The following RGS6 variants were observed in gnomAD, a reference collection of about 807,000 sequenced individuals.
The protein encoded by RGS6 is regulator of G-protein signaling 6.
In RGS6, 30 loss-of-function variants were observed where a neutral mutation model predicts 78.5. The ratio of observed to expected loss-of-function variants is 0.38; its 90% CI spans 0.29 to 0.52. RGS6 has a LOEUF of 0.52. Ranked by LOEUF, RGS6 falls within the 20% of genes least tolerant of loss-of-function variation. The pLI, the probability that RGS6 is intolerant of heterozygous loss-of-function variation, is 0.85. For synonymous variants in RGS6, 206 were observed against 206.0 expected (o/e 1.00, Z 0.00); for missense variants, 495 against 609.7 (o/e 0.81, Z 1.98).
intron 3 of RGS6, among the ~76,000 whole-genome samples, chr14:72,403,082 T>C (rs147251560): frequency 9.2e-5 from 14 of 152,240 alleles, no homozygotes; most frequent in African/African-American, 3.4e-4. Flanking sequence ...AGAGCTACCA[T>C]GCCCAGCCCC....
At chr14:72,361,129 C>G (rs1203766483) in intron 3 of RGS6, among the ~76,000 whole-genome samples, 4 of 142,236 alleles carry the variant, frequency 2.8e-5, no homozygotes, top group Non-Finnish European at 6.0e-5. Context: ...TTGGGTATAT[C>G]CTTATAGCAG....
At chr14:72,116,959 A>G in intron 2 of RGS6, among the ~76,000 whole-genome samples, 1 of 93,586 alleles carries the variant, frequency 1.1e-5, no homozygotes, top group African/African-American at 4.6e-5. Context: ...GCGAGACTCC[A>G]TCTCAAAAAA....
intron 2 of RGS6, among the ~76,000 whole-genome samples, chr14:72,079,232 T>A (rs1364239878): frequency 1.3e-5 from 2 of 152,084 alleles, no homozygotes; most frequent in African/African-American, 4.8e-5. Flanking sequence ...AATTTAGAAT[T>A]TTACTTTTAA....
intron 2 of RGS6, among the ~76,000 whole-genome samples, chr14:72,147,430 A>G (rs147822710): frequency 1.7e-3 from 261 of 152,350 alleles, no homozygotes; most frequent in African/African-American, 6.0e-3. Flanking sequence ...GGCAGAAGGC[A>G]GAAGGGCAAG....
rs200956325 is a variant in RGS6 at position 72,459,652 on chromosome 14, G to T, written c.363G>T (p.Ser121=). Residue 121 remains serine, a synonymous_variant, in exon 6 of 18, where the codon TCG becomes TCT. Coordinates refer to ENST00000553525, the MANE Select transcript of RGS6 (RefSeq NM_001204424.2). ...YRFQAPYFWP[S]NCWEPENTDY... Reference sequence around the variant, plus strand: ...TGCAGGCTCCGTACTTCTGGCCTTCGAACTGCTGGGAACCTGAAAACACTG... The same window carrying T: ...TGCAGGCTCCGTACTTCTGGCCTTCTAACTGCTGGGAACCTGAAAACACTG... 6.2e-7 allele frequency: 1 copy of T among 1,613,986 alleles called. No homozygotes were observed. The highest frequency in any genetic ancestry group is 1.3e-5 in the African/African-American group (1 of 74,906).
At chr14:72,333,073 A>G (rs559562321) in intron 2 of RGS6, among the ~76,000 whole-genome samples, 2 of 152,302 alleles carry the variant, frequency 1.3e-5, no homozygotes, top group East Asian at 3.9e-4. Flanking sequence ...TAATCTCACC[A>G]CAGGGGGCCA....
the RGS6 span, among the ~76,000 whole-genome samples, chr14:71,894,513 G>A: frequency 5.3e-5 from 8 of 152,284 alleles, no homozygotes; most frequent in Admixed American, 4.6e-4. Flanking sequence ...TGTCTATGGA[G>A]CAGCTGTCCT....
chr14:72,530,531 A>T (rs1323246942), intron 15 of RGS6, among the ~76,000 whole-genome samples: 2 of 152,028 alleles, frequency 1.3e-5, no homozygotes, highest in African/African-American at 4.8e-5. Context: ...CTACTAAAAA[A>T]TATATAAAAA....
At position 72,333,909 on chromosome 14, in the gene RGS6, C is replaced by G. The variant is rs1294258490; in HGVS notation, c.85-18186C>G. On this transcript the variant is annotated intron_variant, in intron 2 of 17. Coordinates refer to ENST00000553525, the MANE Select transcript of RGS6 (RefSeq NM_001204424.2). ...CCAGATTTCCATTCCCATTAAATCT[C>G]TGCATCCCCAAATGAGCTACCTGTT... is the stretch of plus-strand genomic sequence containing the variant. Among the ~76,000 whole-genome samples the G allele has an allele frequency of 3.3e-5, 5 of 152,230 alleles. No homozygotes were observed. The East Asian group carries it at 7.7e-4, about 23-fold the overall frequency.
At chr14:72,341,679 C>CT (rs1469181925) in intron 2 of RGS6, among the ~76,000 whole-genome samples, 7 of 152,168 alleles carry the variant, frequency 4.6e-5, no homozygotes, top group Non-Finnish European at 1.0e-4. Context: ...GATGGAGGAC[C>CT]TTGAATTCCA....
intron 2 of RGS6, among the ~76,000 whole-genome samples, chr14:72,231,526 G>A (rs1181145147): frequency 6.6e-6 from 1 of 152,196 alleles, no homozygotes; most frequent in Non-Finnish European, 1.5e-5. Context: ...CTGTTGGTGG[G>A]AGGAGGTATC....
At chr14:72,608,591 C>T in the RGS6 span, among the ~76,000 whole-genome samples, 1 of 152,144 alleles carries the variant, frequency 6.6e-6, no homozygotes, top group Non-Finnish European at 1.5e-5. Flanking sequence ...CTCCCTTCTC[C>T]TAGAAAATCT....
intron 3 of RGS6, among the ~76,000 whole-genome samples, chr14:72,380,939 A>G (rs2085919589): frequency 6.6e-6 from 1 of 152,118 alleles, no homozygotes; most frequent in Non-Finnish European, 1.5e-5. Flanking sequence ...CAATAGATGG[A>G]TGAACAAAGA....
chr14:72,556,112 T>C (rs2097571770), intron 17 of RGS6, among the ~76,000 whole-genome samples: 1 of 152,248 alleles, frequency 6.6e-6, no homozygotes, highest in African/African-American at 2.4e-5. Context: ...TTTTAAAATA[T>C]TTTAAAGCAC....
chr14:72,434,724 T>G (rs1271950944), intron 3 of RGS6, among the ~76,000 whole-genome samples: 2 of 152,242 alleles, frequency 1.3e-5, no homozygotes, highest in Non-Finnish European at 2.9e-5. Flanking sequence ...GCCCTCATGT[T>G]GAATGAATAG....
At chr14:72,262,073 C>T (rs932301422) in intron 2 of RGS6, among the ~76,000 whole-genome samples, 3 of 151,740 alleles carry the variant, frequency 2.0e-5, no homozygotes, top group Admixed American at 1.3e-4. Flanking sequence ...GTCACTAGTA[C>T]CTTCTAACAG....
upstream of RGS6, among the ~76,000 whole-genome samples, chr14:71,928,885 T>G (rs1022290040): frequency 6.6e-6 from 1 of 152,228 alleles, no homozygotes; most frequent in African/African-American, 2.4e-5. Context: ...CAGTCATGAA[T>G]TGATTCTTAA....
In RGS6 at chr14:72,446,406, C is replaced by T. The variant is rs1356800298; in HGVS notation, c.185-8122C>T. On this transcript the variant is annotated intron_variant, in intron 3 of 17. Coordinates refer to ENST00000553525, the MANE Select transcript of RGS6 (RefSeq NM_001204424.2). ...GATAAATGCTTCAAGGAGAAAGAACCTTGTTCTCTTGACGTTGAAAGCCAA... is the reference window on the plus strand; with the variant it reads ...GATAAATGCTTCAAGGAGAAAGAACTTTGTTCTCTTGACGTTGAAAGCCAA... Among the ~76,000 whole-genome samples the T allele has an allele frequency of 2.0e-5, 3 of 152,276 alleles. 1 individual carries two copies. The highest frequency in any genetic ancestry group is 4.1e-4 in the South Asian group (2 of 4,830).
chr14:72,301,464 A>T (rs1165817403), intron 2 of RGS6, among the ~76,000 whole-genome samples: 2 of 152,100 alleles, frequency 1.3e-5, no homozygotes, highest in Non-Finnish European at 2.9e-5. Flanking sequence ...TAGTTTCTCA[A>T]TGTGGAGAAG....
Sources: gnomAD v4.1 joint callset for allele counts (sites outside exome capture counted in the v4.1 genomes callset) on GRCh38, gnomAD v4.1.1 for gene constraint, MANE v1.5 for transcripts, NCBI Gene and HGNC (gene_info 2026-07-23, HGNC 2026-07-21) for gene names.